IPO5: variants seen among roughly 807,000 people sequenced by gnomAD.
The protein encoded by IPO5 is importin-5.
A neutral mutation model predicts 143.3 loss-of-function variants in IPO5; 18 were observed. The observed-to-expected ratio is 0.13, with a 90% confidence interval of 0.09 to 0.19. The LOEUF (loss-of-function observed/expected upper bound fraction) is 0.19, where lower values mean the gene tolerates loss of function less well. Ranked by LOEUF, IPO5 falls within the 10% of genes least tolerant of loss-of-function variation. IPO5 has a pLI of 1.00. For synonymous variants in IPO5, 477 were observed against 465.7 expected, an observed-to-expected ratio of 1.02 and a Z score of -0.31; for missense variants, 1,013 against 1,336.9, an observed-to-expected ratio of 0.76 and a Z score of 3.78.
At chr13:97,983,039 T>A (rs553699360) in intron 5 of IPO5, among the ~76,000 whole-genome samples, 1 of 152,224 alleles carries the variant, frequency 6.6e-6, no homozygotes, top group South Asian at 2.1e-4. Flanking sequence ...CCTGGCTAAT[T>A]TTTGTATTTT....
intron 16 of IPO5, among the ~76,000 whole-genome samples, chr13:98,003,630 A>T (rs1335546603): frequency 6.6e-6 from 1 of 152,126 alleles, no homozygotes; most frequent in African/African-American, 2.4e-5. Context: ...CAGGTGGATC[A>T]CCTGAGGTCA....
In IPO5 at chr13:98,022,906, ACCTC is replaced by A. The variant is rs1890580743; in HGVS notation, c.*1085_*1088del. On this transcript the variant is annotated 3_prime_UTR_variant, in exon 29 of 29. Transcript: ENST00000651721. ...TGTGTGAATGTTTCTTTATGTATTA[ACCTC>A]ATAGCAGTAAATGACTTGCTGTTGT... 1.3e-5 allele frequency: 2 copies of A among 152,662 alleles called. No individual in the cohort carries two copies. The highest frequency in any genetic ancestry group is 4.8e-5 in the African/African-American group (2 of 41,456). The allele number at this position is 152,662 out of a possible 1,614,324, so 9.5% of individuals were successfully genotyped here.
At chr13:98,006,029 GT>G (rs1333409183) in intron 16 of IPO5, 100 bp from the exon 17 acceptor site, 3 of 774,020 alleles carry the variant, frequency 3.9e-6, no homozygotes, top group Non-Finnish European at 6.6e-6. Flanking sequence ...TCATTCTGCT[GT>G]TTCAGAAAAG....
Position 98,021,918 on chromosome 13 carries a change from G to T in IPO5, c.*96G>T. ...TTTTGTTTTTGAGCAAAAGAGATCG[G>T]TAGTGTTGTGTGTAGGCCATTCTTC... is the stretch of plus-strand genomic sequence containing the variant. On this transcript the variant is annotated 3_prime_UTR_variant, in exon 29 of 29. Transcript: ENST00000651721. 1.3e-6 allele frequency: 1 copy of T among 748,980 alleles called. No individual in the cohort carries two copies. Among genetic ancestry groups the T allele is most frequent in the Non-Finnish European group, 2.2e-6 (1 of 462,862 alleles). 46.4% of individuals were successfully genotyped at this position (748,980 alleles called of 1,614,324 possible).
intron 2 of IPO5, among the ~76,000 whole-genome samples, chr13:97,958,435 C>T (rs371865775): frequency 1.8e-4 from 28 of 152,132 alleles, no homozygotes; most frequent in African/African-American, 6.0e-4. Context: ...ACCTCACCCC[C>T]ACCATCGGGA....
chr13:97,963,615 G>T (rs551992497), intron 2 of IPO5, among the ~76,000 whole-genome samples: 1 of 151,986 alleles, frequency 6.6e-6, no homozygotes, highest in Non-Finnish European at 1.5e-5. Context: ...TGATCTGCCC[G>T]CCTCAGCCTC....
chr13:98,012,108 G>T, intron 20 of IPO5, 138 bp from the exon 21 acceptor site: 3 of 551,766 alleles, frequency 5.4e-6, no homozygotes, highest in Middle Eastern at 4.2e-4. Flanking sequence ...AGACTAATTT[G>T]ACAGTTCTAC....
intron 2 of IPO5, among the ~76,000 whole-genome samples, chr13:97,961,288 T>G (rs1884861464): frequency 6.6e-6 from 1 of 152,252 alleles, no homozygotes; most frequent in Non-Finnish European, 1.5e-5. Context: ...CCATGAACAT[T>G]CATGTACAAG....
intron 3 of IPO5, 30 bp from the exon 4 acceptor site, chr13:97,976,663 C>G: frequency 8.6e-7 from 1 of 1,161,856 alleles, no homozygotes; most frequent in Non-Finnish European, 1.1e-6. Flanking sequence ...CGGCTCCTGT[C>G]TCCCCTCCCT....
Position 97,987,659 on chromosome 13 carries a change from T to C in IPO5, c.365-1403T>C, listed in dbSNP as rs972876545. Among the ~76,000 whole-genome samples the C allele has an allele frequency of 2.0e-5, 3 of 152,102 alleles. No individual in the cohort carries two copies. In the East Asian group the frequency reaches 5.8e-4, roughly 29 times the overall value. ...CTCAGCCTCCCACACGCCCAGCTAA[T>C]TTTTGTATTTTTTTAGTAGAGATGG... is the stretch of plus-strand genomic sequence containing the variant. On this transcript the variant is annotated intron_variant, in intron 6 of 28. Coordinates refer to ENST00000651721, the MANE Select transcript of IPO5 (RefSeq NM_002271.6).
intron 17 of IPO5, 119 bp downstream of exon 17, chr13:98,006,467 C>A: frequency 1.6e-6 from 1 of 611,578 alleles, no homozygotes; most frequent in Non-Finnish European, 2.7e-6. Context: ...CTCTGCCTCC[C>A]AGGTTCATGC....
chr13:97,963,059 A>G (rs201534578), intron 2 of IPO5: 3 of 152,178 alleles, frequency 2.0e-5, no homozygotes, highest in Non-Finnish European at 4.4e-5. Context: ...CATCTTTGCT[A>G]TTAAGGCCTT....
intron 9 of IPO5, among the ~76,000 whole-genome samples, chr13:97,991,209 T>C (rs1215540647): frequency 6.6e-6 from 1 of 152,166 alleles, no homozygotes; most frequent in Non-Finnish European, 1.5e-5. Context: ...TATATATGCA[T>C]AATTTTTTAG....
chr13:97,961,050 G>C (rs929722053), intron 2 of IPO5, among the ~76,000 whole-genome samples: 5 of 152,134 alleles, frequency 3.3e-5, no homozygotes, highest in African/African-American at 7.2e-5. Context: ...GCTGATTCTG[G>C]ACATTTCCCA....
intron 4 of IPO5, among the ~76,000 whole-genome samples, chr13:97,977,394 T>C (rs1210771156): frequency 6.6e-6 from 1 of 152,166 alleles, no homozygotes; most frequent in East Asian, 1.9e-4. Flanking sequence ...ACCTCCAGTT[T>C]TGTGAAGTTG....
intron 6 of IPO5, 25 bp downstream of exon 6, chr13:97,985,638 T>C (rs750609565): frequency 6.5e-7 from 1 of 1,550,252 alleles, no homozygotes; most frequent in Non-Finnish European, 8.9e-7. Context: ...GCACTCATGT[T>C]ACCAAGAACA....
At chr13:97,970,899 A>C (rs573524564) in intron 3 of IPO5, among the ~76,000 whole-genome samples, 1 of 152,360 alleles carries the variant, frequency 6.6e-6, no homozygotes, top group African/African-American at 2.4e-5. Context: ...CAAATTTTAG[A>C]GGTTGCAATC....
intron 2 of IPO5, among the ~76,000 whole-genome samples, chr13:97,959,248 C>A (rs1884684982): frequency 6.6e-6 from 1 of 152,062 alleles, no homozygotes; most frequent in South Asian, 2.1e-4. Flanking sequence ...TGCTGCTGAA[C>A]TATCAGGGTG....
At chr13:97,986,742 T>C (rs1594069566) in intron 6 of IPO5, among the ~76,000 whole-genome samples, 1 of 152,348 alleles carries the variant, frequency 6.6e-6, no homozygotes, top group Middle Eastern at 3.4e-3. Flanking sequence ...AAGGTAAAAA[T>C]CCTTTTTAGT....
Sources: allele counts gnomAD v4.1 joint callset (sites outside exome capture counted in the v4.1 genomes callset), GRCh38; gene constraint gnomAD v4.1.1; transcripts MANE v1.5; gene names NCBI Gene and HGNC (gene_info 2026-07-23, HGNC 2026-07-21).